The following ANKS1B variants were observed in gnomAD, a reference collection of about 807,000 sequenced individuals.
ANKS1B encodes the protein ankyrin repeat and sterile alpha motif domain-containing protein 1B.
Under a neutral mutation model 148.3 loss-of-function variants are expected in ANKS1B, and 36 were observed. That is an observed-to-expected ratio of 0.24 (90% CI 0.19 to 0.32). The LOEUF is 0.32. Among genes scored for constraint, ANKS1B ranks in the 10% least tolerant of loss-of-function variants. The pLI is 1.00. For synonymous variants in ANKS1B, 542 were observed against 560.8 expected (o/e 0.97, Z 0.47); for missense variants, 1,157 against 1,542.6 (o/e 0.75, Z 4.19).
At chr12:99,597,641 TTTC>T (rs1283222652) in intron 9 of ANKS1B, among the ~76,000 whole-genome samples, 2 of 152,070 alleles carry the variant, frequency 1.3e-5, no homozygotes, top group Admixed American at 1.3e-4. Context: ...ACAATAGACT[TTTC>T]TGATGATGAT....
At chr12:98,964,488 T>G (rs2099876100) in intron 17 of ANKS1B, among the ~76,000 whole-genome samples, 1 of 152,216 alleles carries the variant, frequency 6.6e-6, no homozygotes, top group Admixed American at 6.5e-5. Context: ...TGAAGATATG[T>G]CTTATCTCTG....
At chr12:99,349,759 T>C (rs1017443293) in intron 12 of ANKS1B, among the ~76,000 whole-genome samples, 5 of 151,902 alleles carry the variant, frequency 3.3e-5, no homozygotes, top group African/African-American at 1.2e-4. Context: ...TTTTCAATAA[T>C]GGATAAAATA....
At chr12:99,868,208 T>C (rs1235525297) in intron 1 of ANKS1B, among the ~76,000 whole-genome samples, 1 of 152,180 alleles carries the variant, frequency 6.6e-6, no homozygotes, top group Non-Finnish European at 1.5e-5. Context: ...TTGGGAGTAG[T>C]AAATGGAATG....
chr12:98,985,001 A>T (rs565736522), intron 17 of ANKS1B, among the ~76,000 whole-genome samples: 15 of 152,346 alleles, frequency 9.8e-5, no homozygotes, highest in African/African-American at 3.1e-4. Context: ...ACAAAGTGAG[A>T]CTGTCTCAAT....
intron 8 of ANKS1B, among the ~76,000 whole-genome samples, chr12:99,739,301 G>T (rs2059877539): frequency 7.9e-6 from 1 of 126,176 alleles, no homozygotes; most frequent in Admixed American, 1.0e-4. Context: ...TAATACTCTG[G>T]ATAATGTTTC....
chr12:99,841,395 T>A (rs893865101), intron 1 of ANKS1B, among the ~76,000 whole-genome samples: 14 of 152,104 alleles, frequency 9.2e-5, no homozygotes, highest in Admixed American at 2.6e-4. Context: ...TGTATTTTTT[T>A]AATATAATCC....
At chr12:99,438,038 G>A (rs947158983) in intron 11 of ANKS1B, among the ~76,000 whole-genome samples, 1 of 151,820 alleles carries the variant, frequency 6.6e-6, no homozygotes, top group Non-Finnish European at 1.5e-5. Flanking sequence ...TGGAAGTTTT[G>A]ACAATGTTGA....
At position 99,984,455 on chromosome 12, in the gene ANKS1B, G is replaced by C; in HGVS notation, c.-218C>G. Reference sequence around the variant, plus strand: ...ATGGGGATCAGACCATGTCTTGAAAGAGGGGCTGGCCGAGCTGGGAGCCGC... The same window carrying C: ...ATGGGGATCAGACCATGTCTTGAAACAGGGGCTGGCCGAGCTGGGAGCCGC... On this transcript the variant is annotated 5_prime_UTR_variant, in exon 1 of 27. Coordinates refer to ENST00000683438, the MANE Select transcript of ANKS1B (RefSeq NM_001352186.2). 1 of 445,824 alleles carries C rather than the reference G, an allele frequency of 2.2e-6. No homozygotes were observed. Among genetic ancestry groups the C allele is most frequent in the Admixed American group, 3.6e-5 (1 of 28,102 alleles). 27.6% of individuals were successfully genotyped at this position (445,824 alleles called of 1,614,324 possible). A position where few individuals can be genotyped will look rare whatever the true frequency, so the allele number is the denominator to read the frequency against.
At chr12:99,617,297 T>C (rs1443685488) in intron 9 of ANKS1B, among the ~76,000 whole-genome samples, 1 of 152,172 alleles carries the variant, frequency 6.6e-6, no homozygotes, top group South Asian at 2.1e-4. Flanking sequence ...ACCAGGCATA[T>C]ACCTAAAGTA....
chr12:98,896,652 A>G (rs2099765084), intron 17 of ANKS1B, among the ~76,000 whole-genome samples: 1 of 152,224 alleles, frequency 6.6e-6, no homozygotes, highest in Non-Finnish European at 1.5e-5. Context: ...CTTGCTATAC[A>G]TGTAACATGT....
At chr12:99,197,093 T>C (rs1478899686) in intron 14 of ANKS1B, among the ~76,000 whole-genome samples, 3 of 152,108 alleles carry the variant, frequency 2.0e-5, no homozygotes, top group Non-Finnish European at 4.4e-5. Flanking sequence ...AGGCCAAGAA[T>C]GTGGGCCTGG....
At chr12:99,242,429 G>C (rs959956703) in intron 14 of ANKS1B, among the ~76,000 whole-genome samples, 1 of 152,088 alleles carries the variant, frequency 6.6e-6, no homozygotes, top group Non-Finnish European at 1.5e-5. Context: ...CCATGCTCAT[G>C]GATAAGAAGA....
At chr12:99,005,542 A>G (rs1286990342) in intron 17 of ANKS1B, among the ~76,000 whole-genome samples, 1 of 152,230 alleles carries the variant, frequency 6.6e-6, no homozygotes, top group African/African-American at 2.4e-5. Context: ...AAAACCTGAC[A>G]TAAATGCCTC....
chr12:98,926,603 A>G (rs570434757), intron 17 of ANKS1B, among the ~76,000 whole-genome samples: 2 of 152,320 alleles, frequency 1.3e-5, no homozygotes, highest in African/African-American at 4.8e-5. Context: ...TATCATAAAT[A>G]TGTTCAAGTT....
intron 19 of ANKS1B, among the ~76,000 whole-genome samples, chr12:98,827,530 C>G (rs2099259499): frequency 6.6e-6 from 1 of 152,120 alleles, no homozygotes. Flanking sequence ...ATTGGAGTGA[C>G]CCGTTAAAAG....
chr12:98,923,075 T>C (rs1378813974), intron 17 of ANKS1B, among the ~76,000 whole-genome samples: 2 of 152,098 alleles, frequency 1.3e-5, no homozygotes, highest in African/African-American at 4.8e-5. Context: ...GTCTGGGTCA[T>C]AGAGGTATAT....
chr12:99,662,776 C>T (rs2098483944), intron 8 of ANKS1B, among the ~76,000 whole-genome samples: 1 of 152,258 alleles, frequency 6.6e-6, no homozygotes, highest in South Asian at 2.1e-4. Context: ...TTAAATTGCA[C>T]AGCTTAACTC....
chr12:99,745,539 T>G (rs532699907), intron 8 of ANKS1B, among the ~76,000 whole-genome samples: 1 of 152,294 alleles, frequency 6.6e-6, no homozygotes, highest in East Asian at 1.9e-4. Context: ...TGCAAACAAC[T>G]ACAAACAGCA....
At position 98,761,307 on chromosome 12, in the gene ANKS1B, C is replaced by T. The variant is rs573572381; in HGVS notation, c.3580-9785G>A. 1.4e-4 allele frequency among the ~76,000 whole-genome samples: 21 copies of T among 152,376 alleles called. No homozygotes were observed. The South Asian group carries it at 2.5e-3, about 18-fold the overall frequency. ...AAATGTTGGTGAAGACATTATTACACAGTATCCCCTCATGGGGGCCTAGGA... is the reference window on the plus strand; with the variant it reads ...AAATGTTGGTGAAGACATTATTACATAGTATCCCCTCATGGGGGCCTAGGA... On this transcript the variant is annotated intron_variant, in intron 25 of 26. Transcript: ENST00000683438.
Sources: allele counts gnomAD v4.1 joint callset (sites outside exome capture counted in the v4.1 genomes callset), GRCh38; gene constraint gnomAD v4.1.1; transcripts MANE v1.5; gene names NCBI Gene and HGNC (gene_info 2026-07-23, HGNC 2026-07-21).